Variants in CXCL13 observed in about 807,000 individuals in gnomAD.
The protein encoded by CXCL13 is C-X-C motif chemokine 13.
Under a neutral mutation model 12.2 loss-of-function variants are expected in CXCL13, and 7 were observed. That is an observed-to-expected ratio of 0.57 (90% CI 0.33 to 1.07). The LOEUF is 1.07. Among genes scored for constraint, CXCL13 ranks in the 50% least tolerant of loss-of-function variants. The pLI is 0.04. For missense variants in CXCL13, 113 were observed against 127.4 expected, an observed-to-expected ratio of 0.89 and a Z score of 0.55; for synonymous variants, 47 against 42.4, an observed-to-expected ratio of 1.11 and a Z score of -0.42.
intron 1 of CXCL13, among the ~76,000 whole-genome samples, chr4:77,567,702 A>T (rs546147336): frequency 3.9e-5 from 6 of 152,300 alleles, no homozygotes; most frequent in South Asian, 2.1e-4. Flanking sequence ...TAATTATAGT[A>T]TATTACCATG....
chr4:77,597,645 A>G (rs1180987987), intron 1 of CXCL13, among the ~76,000 whole-genome samples: 1 of 152,232 alleles, frequency 6.6e-6, no homozygotes, highest in Non-Finnish European at 1.5e-5. Flanking sequence ...AAGAAAATAA[A>G]GATTTCCCCA....
At chr4:77,564,411 G>C (rs1181804041) in intron 1 of CXCL13, among the ~76,000 whole-genome samples, 1 of 152,236 alleles carries the variant, frequency 6.6e-6, no homozygotes, top group Non-Finnish European at 1.5e-5. Context: ...GAAAGTTCAA[G>C]TGACCCAGGA....
At chr4:77,561,725 GGCAGCCCTT>G (rs1300196569) in intron 1 of CXCL13, among the ~76,000 whole-genome samples, 2 of 152,218 alleles carry the variant, frequency 1.3e-5, no homozygotes, top group African/African-American at 2.4e-5. Context: ...ATGGTGTGCT[GGCAGCCCTT>G]GCAGCCCTTG....
chr4:77,543,812 T>G (rs1193242790), intron 1 of CXCL13, among the ~76,000 whole-genome samples: 1 of 152,176 alleles, frequency 6.6e-6, no homozygotes, highest in African/African-American at 2.4e-5. Context: ...GTTTGTTACA[T>G]ATGTATACAT....
At chr4:77,559,211 A>G (rs1725738043) in intron 1 of CXCL13, among the ~76,000 whole-genome samples, 1 of 152,316 alleles carries the variant, frequency 6.6e-6, no homozygotes, top group East Asian at 1.9e-4. Context: ...TAGAAGGTTT[A>G]TCAGGAGGTT....
intron 1 of CXCL13, among the ~76,000 whole-genome samples, chr4:77,565,027 A>G (rs777670912): frequency 2.9e-4 from 44 of 152,156 alleles, no homozygotes; most frequent in Admixed American, 7.9e-4. Context: ...GCTGTGTCAG[A>G]GTGTCAGTGG....
intron 1 of CXCL13, among the ~76,000 whole-genome samples, chr4:77,540,808 T>G (rs140171312): frequency 6.6e-6 from 1 of 152,300 alleles, no homozygotes; most frequent in East Asian, 1.9e-4. Flanking sequence ...CAGTAGTTCC[T>G]TTTTAAGTTC....
intron 1 of CXCL13, among the ~76,000 whole-genome samples, chr4:77,568,675 G>A (rs1030376462): frequency 2.0e-5 from 3 of 152,166 alleles, no homozygotes; most frequent in Non-Finnish European, 1.5e-5. Context: ...AGGGTTTTTG[G>A]CATTTGGTGT....
intron 1 of CXCL13, among the ~76,000 whole-genome samples, chr4:77,587,328 A>T (rs1726498230): frequency 6.6e-6 from 1 of 152,116 alleles, no homozygotes; most frequent in Non-Finnish European, 1.5e-5. Flanking sequence ...AGCCAGGGGG[A>T]TATGACGAAC....
intron 1 of CXCL13, among the ~76,000 whole-genome samples, chr4:77,536,228 AC>A (rs1725054733): frequency 6.6e-6 from 1 of 152,218 alleles, no homozygotes; most frequent in Non-Finnish European, 1.5e-5. Flanking sequence ...TATTTCATTG[AC>A]GATGTAAAGT....
In CXCL13 at chr4:77,611,378, C is replaced by A; in HGVS notation, c.*339C>A. 8.3e-6 allele frequency: 3 copies of A among 359,822 alleles called. No individual in the cohort carries two copies. Among genetic ancestry groups the A allele is most frequent in the Non-Finnish European group, 1.5e-5 (3 of 203,472 alleles). 22.3% of individuals were successfully genotyped at this position (359,822 alleles called of 1,614,324 possible). Reference sequence around the variant, plus strand: ...AAAACAATGGAATGAGAATTTAAGCCTCAAATTTGAACATGTGGCTTGAAT... The same window carrying A: ...AAAACAATGGAATGAGAATTTAAGCATCAAATTTGAACATGTGGCTTGAAT... On this transcript the variant is annotated 3_prime_UTR_variant, in exon 4 of 4. Coordinates refer to ENST00000682537, the MANE Select transcript of CXCL13 (RefSeq NM_001371558.1).
intron 1 of CXCL13, among the ~76,000 whole-genome samples, chr4:77,596,697 A>C (rs552388275): frequency 6.6e-6 from 1 of 151,604 alleles, no homozygotes; most frequent in African/African-American, 2.4e-5. Context: ...AGGCAGGAGA[A>C]TCATTGGAAC....
At chr4:77,579,464 C>G (rs141319022) in intron 1 of CXCL13, among the ~76,000 whole-genome samples, 2 of 152,250 alleles carry the variant, frequency 1.3e-5, no homozygotes, top group Non-Finnish European at 2.9e-5. Flanking sequence ...TGACCCTCTC[C>G]AGACTGAATT....
chr4:77,538,276 G>A (rs1560518987), intron 1 of CXCL13, among the ~76,000 whole-genome samples: 1 of 151,984 alleles, frequency 6.6e-6, no homozygotes, highest in Admixed American at 6.6e-5. Context: ...CTGCCTCAGA[G>A]CTCTGTTTCT....
chr4:77,582,908 A>G (rs80205534), intron 1 of CXCL13, among the ~76,000 whole-genome samples: 1 of 152,198 alleles, frequency 6.6e-6, no homozygotes, highest in Non-Finnish European at 1.5e-5. Context: ...AACACCAACC[A>G]AACTCAGAAA....
At chr4:77,599,260 TATAG>T (rs2109834714) in intron 1 of CXCL13, among the ~76,000 whole-genome samples, 2 of 152,358 alleles carry the variant, frequency 1.3e-5, no homozygotes, top group Non-Finnish European at 2.9e-5. Flanking sequence ...TACCAGAATC[TATAG>T]ATGCTCAAGT....
intron 1 of CXCL13, among the ~76,000 whole-genome samples, chr4:77,545,386 A>G (rs1725332084): frequency 6.6e-6 from 1 of 152,158 alleles, no homozygotes; most frequent in Non-Finnish European, 1.5e-5. Flanking sequence ...TGAGCATGGA[A>G]TGTTCTTCCA....
At chr4:77,527,268 A>G (rs1446202838) in intron 1 of CXCL13, among the ~76,000 whole-genome samples, 2 of 152,170 alleles carry the variant, frequency 1.3e-5, no homozygotes, top group Admixed American at 6.6e-5. Context: ...ATGCTGAGAA[A>G]CTAAACAACT....
At chr4:77,513,114 T>C (rs917172973) in intron 1 of CXCL13, among the ~76,000 whole-genome samples, 1 of 152,146 alleles carries the variant, frequency 6.6e-6, no homozygotes, top group African/African-American at 2.4e-5. Flanking sequence ...GAACTCATCC[T>C]TTTTTATGGC....
Sources: gnomAD v4.1 joint callset for allele counts (sites outside exome capture counted in the v4.1 genomes callset) on GRCh38, gnomAD v4.1.1 for gene constraint, MANE v1.5 for transcripts, NCBI Gene and HGNC (gene_info 2026-07-23, HGNC 2026-07-21) for gene names.